Variants in KANSL1 observed in about 807,000 individuals in gnomAD.
The protein encoded by KANSL1 is MLL1/MLL complex subunit KANSL1.
Under a neutral mutation model 103.6 loss-of-function variants are expected in KANSL1, and 22 were observed. That is an observed-to-expected ratio of 0.21 (90% CI 0.15 to 0.30). KANSL1 has a LOEUF of 0.30. Ranked by LOEUF, KANSL1 falls within the 10% of genes least tolerant of loss-of-function variation. The pLI, the probability that KANSL1 is intolerant of heterozygous loss-of-function variation, is 1.00. For synonymous variants in KANSL1, 600 were observed against 527.6 expected, an observed-to-expected ratio of 1.14 and a Z score of -1.88; for missense variants, 1,337 against 1,399.8, an observed-to-expected ratio of 0.96 and a Z score of 0.72.
intron 2 of KANSL1, among the ~76,000 whole-genome samples, chr17:46,134,876 G>A (rs2044046766): frequency 6.6e-6 from 1 of 152,096 alleles, no homozygotes; most frequent in East Asian, 1.9e-4. Flanking sequence ...TGGGGCGGAA[G>A]AATAGAGATA....
chr17:46,198,937 A>C (rs1397803517), intron 1 of KANSL1, among the ~76,000 whole-genome samples: 1 of 152,246 alleles, frequency 6.6e-6, no homozygotes, highest in Non-Finnish European at 1.5e-5. Flanking sequence ...TCAAGAATTT[A>C]TTCTAGATAT....
chr17:46,159,949 G>A (rs988953151), intron 2 of KANSL1, among the ~76,000 whole-genome samples: 1 of 152,212 alleles, frequency 6.6e-6, no homozygotes, highest in East Asian at 1.9e-4. Flanking sequence ...GCTGTCTAAA[G>A]GAGTTACAGC....
At chr17:46,177,367 T>G (rs180952445) in intron 1 of KANSL1, among the ~76,000 whole-genome samples, 581 of 152,360 alleles carry the variant, frequency 3.8e-3, no homozygotes, top group Middle Eastern at 0.01. Context: ...AACCACCACC[T>G]AAGTTTAGTA....
intron 2 of KANSL1, among the ~76,000 whole-genome samples, chr17:46,156,394 T>A (rs2045429829): frequency 6.6e-6 from 1 of 152,070 alleles, no homozygotes; most frequent in Non-Finnish European, 1.5e-5. Context: ...AAAGTCAGTA[T>A]CTGATAGTGT....
At chr17:46,153,131 A>T (rs940428648) in intron 2 of KANSL1, among the ~76,000 whole-genome samples, 5 of 152,186 alleles carry the variant, frequency 3.3e-5, no homozygotes, top group Admixed American at 2.0e-4. Context: ...ATTTTTTTTT[A>T]AAGTATTATT....
intron 3 of KANSL1, 92 bp from the exon 4 acceptor site, chr17:46,082,634 A>G (rs2079027456): frequency 3.1e-6 from 2 of 635,764 alleles, no homozygotes; most frequent in East Asian, 5.6e-5. Context: ...CTGTTGGTGT[A>G]CTAGAGGCCC....
At chr17:46,127,740 T>C (rs1224344923) in intron 2 of KANSL1, among the ~76,000 whole-genome samples, 2 of 151,144 alleles carry the variant, frequency 1.3e-5, no homozygotes, top group Admixed American at 1.3e-4. Context: ...ATTGCACCAA[T>C]GCACTCCAGC....
chr17:46,154,020 GCAT>G (rs2045277446), intron 2 of KANSL1, among the ~76,000 whole-genome samples: 1 of 152,208 alleles, frequency 6.6e-6, no homozygotes, highest in African/African-American at 2.4e-5. Flanking sequence ...ATCAGATGCA[GCAT>G]TTTGAAATCG....
chr17:46,077,250 G>A (rs372568385), intron 4 of KANSL1, among the ~76,000 whole-genome samples: 12 of 152,108 alleles, frequency 7.9e-5, no homozygotes, highest in East Asian at 7.7e-4. Context: ...ATGGGGTTTC[G>A]TCAGGTTGCT....
At chr17:46,099,661 T>C (rs1168744237) in intron 2 of KANSL1, among the ~76,000 whole-genome samples, 2 of 152,246 alleles carry the variant, frequency 1.3e-5, no homozygotes, top group Non-Finnish European at 2.9e-5. Flanking sequence ...TTCTGTGCTA[T>C]TAGTGAAATA....
At chr17:46,191,036 T>A (rs1204668966) in intron 1 of KANSL1, among the ~76,000 whole-genome samples, 2 of 151,720 alleles carry the variant, frequency 1.3e-5, no homozygotes, top group Non-Finnish European at 2.9e-5. Context: ...GTATTTACTT[T>A]AAAAAAAAAG....
intron 3 of KANSL1, among the ~76,000 whole-genome samples, chr17:46,083,448 TTATCAAAC>T (rs1428273330): frequency 1.3e-5 from 2 of 152,174 alleles, no homozygotes; most frequent in East Asian, 3.9e-4. Context: ...CTGGGGAACC[TTATCAAAC>T]TATACTGGCT....
At chr17:46,104,584 A>G (rs1472610201) in intron 2 of KANSL1, among the ~76,000 whole-genome samples, 1 of 152,250 alleles carries the variant, frequency 6.6e-6, no homozygotes. Flanking sequence ...GTAGTTTACA[A>G]GTAAATTTGC....
chr17:46,054,831 T>C (rs1042804012), intron 6 of KANSL1, among the ~76,000 whole-genome samples: 3 of 152,030 alleles, frequency 2.0e-5, no homozygotes, highest in Non-Finnish European at 4.4e-5. Context: ...TGTCTTTTTC[T>C]TTAAATGTCA....
rs66507225 is a variant in KANSL1 at position 46,184,837 on chromosome 17, C to CTTTTT, written c.-90+7981_-90+7985dup. 1.9e-3 allele frequency among the ~76,000 whole-genome samples: 245 copies of CTTTTT among 128,188 alleles called. 1 individual carries two copies. The highest frequency in any genetic ancestry group is 2.5e-3 in the Non-Finnish European group (160 of 62,982). The allele number at this position is 128,188 out of a possible 152,430, so 84.1% of individuals were successfully genotyped here. On this transcript the variant is annotated intron_variant, in intron 1 of 14. Transcript: ENST00000432791. Reference sequence around the variant, plus strand: ...GTCTCTTTCTTCCCCAGAGTATGTACTTTTTTTTTTTTTTTTTTTTGAAAC... The same window carrying CTTTTT: ...GTCTCTTTCTTCCCCAGAGTATGTACTTTTTTTTTTTTTTTTTTTTTTTTTGAAAC...
intron 2 of KANSL1, among the ~76,000 whole-genome samples, chr17:46,115,468 C>T (rs939873973): frequency 3.3e-5 from 5 of 151,992 alleles, no homozygotes; most frequent in Non-Finnish European, 5.9e-5. Context: ...TTCTATATTA[C>T]CCCCGTCCCC....
intron 1 of KANSL1, among the ~76,000 whole-genome samples, chr17:46,214,192 T>G (rs574737486): frequency 6.6e-6 from 1 of 152,322 alleles, no homozygotes; most frequent in South Asian, 2.1e-4. Context: ...CAATCCTTAT[T>G]CCAAAGTTGC....
intron 2 of KANSL1, among the ~76,000 whole-genome samples, chr17:46,129,863 T>C (rs774682463): frequency 3.9e-5 from 6 of 152,062 alleles, no homozygotes; most frequent in Non-Finnish European, 7.4e-5. Context: ...CTTAGGGCAG[T>C]ACTCCTTAAT....
chr17:46,168,137 T>G (rs2046096905), intron 2 of KANSL1, among the ~76,000 whole-genome samples: 1 of 152,248 alleles, frequency 6.6e-6, no homozygotes. Flanking sequence ...GATTCATTTC[T>G]CAGCATCAAA....
Sources: gnomAD v4.1 joint callset for allele counts (sites outside exome capture counted in the v4.1 genomes callset) on GRCh38, gnomAD v4.1.1 for gene constraint, MANE v1.5 for transcripts, NCBI Gene and HGNC (gene_info 2026-07-23, HGNC 2026-07-21) for gene names.